GNAQ: variants seen among roughly 807,000 people sequenced by gnomAD.
GNAQ encodes G protein subunit alpha q, also known as guanine nucleotide-binding protein G(q) subunit alpha.
Under a neutral mutation model 43.9 loss-of-function variants are expected in GNAQ, and 8 were observed. That is an observed-to-expected ratio of 0.18 (90% CI 0.11 to 0.33). The LOEUF is 0.33. Among genes scored for constraint, GNAQ ranks in the 10% least tolerant of loss-of-function variants. The pLI is 1.00. For synonymous variants in GNAQ, 155 were observed against 170.7 expected, an observed-to-expected ratio of 0.91 and a Z score of 0.71; for missense variants, 158 against 450.8, an observed-to-expected ratio of 0.35 and a Z score of 5.88.
intron 2 of GNAQ, among the ~76,000 whole-genome samples, chr9:77,899,756 T>C (rs970200707): frequency 6.6e-6 from 1 of 152,118 alleles, no homozygotes; most frequent in Non-Finnish European, 1.5e-5. Flanking sequence ...CTCAGAGAAC[T>C]TGGGCAGAGA....
chr9:77,995,120 A>G (rs1327415774), intron 1 of GNAQ, among the ~76,000 whole-genome samples: 1 of 152,222 alleles, frequency 6.6e-6, no homozygotes, highest in Non-Finnish European at 1.5e-5. Context: ...CATGTGCCAA[A>G]TTCTAAGTAC....
intron 2 of GNAQ, among the ~76,000 whole-genome samples, chr9:77,827,087 A>C (rs1017031263): frequency 1.3e-5 from 2 of 152,194 alleles, no homozygotes; most frequent in African/African-American, 4.8e-5. Flanking sequence ...ACTGTTTTGC[A>C]ACTGGAAGCA....
chr9:77,724,549 T>A (rs934691165), intron 6 of GNAQ, among the ~76,000 whole-genome samples: 1 of 152,154 alleles, frequency 6.6e-6, no homozygotes, highest in African/African-American at 2.4e-5. Context: ...GATAAAGAGA[T>A]CTTGCAGAAC....
intron 1 of GNAQ, among the ~76,000 whole-genome samples, chr9:77,946,047 G>T (rs371312601): frequency 2.0e-5 from 3 of 152,118 alleles, no homozygotes; most frequent in Non-Finnish European, 4.4e-5. Flanking sequence ...ATCATTCCTG[G>T]AATAGTTCAC....
intron 5 of GNAQ, among the ~76,000 whole-genome samples, chr9:77,740,916 G>A (rs1245492670): frequency 6.6e-6 from 1 of 152,184 alleles, no homozygotes; most frequent in African/African-American, 2.4e-5. Flanking sequence ...CACACTGTCT[G>A]TCATAACTAG....
chr9:77,931,013 T>C (rs1328526695), intron 1 of GNAQ, among the ~76,000 whole-genome samples: 2 of 151,852 alleles, frequency 1.3e-5, no homozygotes, highest in African/African-American at 4.8e-5. Flanking sequence ...AAGAATTTAA[T>C]GCCTGATGAT....
At chr9:78,016,510 C>T (rs1390463243) in intron 1 of GNAQ, among the ~76,000 whole-genome samples, 1 of 151,950 alleles carries the variant, frequency 6.6e-6, no homozygotes, top group Non-Finnish European at 1.5e-5. Flanking sequence ...ACAGTGAAGC[C>T]CTGTCTCTAC....
intron 5 of GNAQ, among the ~76,000 whole-genome samples, chr9:77,736,848 G>C (rs1256871096): frequency 6.6e-6 from 1 of 152,154 alleles, no homozygotes; most frequent in Non-Finnish European, 1.5e-5. Flanking sequence ...AGGACTAACA[G>C]AGATGAACGG....
At chr9:77,855,865 T>G (rs1351869600) in intron 2 of GNAQ, among the ~76,000 whole-genome samples, 2 of 152,214 alleles carry the variant, frequency 1.3e-5, no homozygotes, top group East Asian at 3.8e-4. Context: ...TTTTATAATT[T>G]CATTGAAAAT....
At chr9:77,884,151 T>C (rs554869462) in intron 2 of GNAQ, among the ~76,000 whole-genome samples, 42 of 152,306 alleles carry the variant, frequency 2.8e-4, no homozygotes, top group Non-Finnish European at 4.7e-4. Flanking sequence ...CTAGCATTTC[T>C]ATAGCTTCAG....
intron 1 of GNAQ, among the ~76,000 whole-genome samples, chr9:78,012,011 T>C (rs898382048): frequency 4.6e-5 from 7 of 152,328 alleles, no homozygotes; most frequent in Admixed American, 6.5e-5. Flanking sequence ...CCTGGATACG[T>C]TGTTAAGCTT....
intron 2 of GNAQ, among the ~76,000 whole-genome samples, chr9:77,818,888 T>C (rs1827062600): frequency 6.6e-6 from 1 of 150,604 alleles, no homozygotes; most frequent in African/African-American, 2.4e-5. Flanking sequence ...TAGTCCCAGC[T>C]ACTTGGGAAG....
rs146255563 is a variant in GNAQ at position 77,865,492 on chromosome 9, T to C, written c.322-49722A>G. ...TATTTCAAAGCAACCCAATTAAACA[T>C]TGTAAATACCAAGGAGCAAAGTCCA... On this transcript the variant is annotated intron_variant, in intron 2 of 6. Transcript: ENST00000286548. 2.6e-5 allele frequency among the ~76,000 whole-genome samples: 4 copies of C among 152,288 alleles called. No homozygotes were observed. In the South Asian group the frequency reaches 6.2e-4, roughly 24 times the overall value.
At position 78,014,974 on chromosome 9, in the gene GNAQ, T is replaced by C. The variant is rs566130517; in HGVS notation, c.136+16126A>G. Among the ~76,000 whole-genome samples, 212 of 152,310 alleles carry C rather than the reference T, an allele frequency of 1.4e-3. 1 individual carries two copies. Among genetic ancestry groups the C allele is most frequent in the African/African-American group, 4.9e-3 (204 of 41,564 alleles). ...ATTAGTCACATGTTTGTGGTAATAC[T>C]TGTGTAACAAACCTACCAAGCTGCC... is the stretch of plus-strand genomic sequence containing the variant. On this transcript the variant is annotated intron_variant, in intron 1 of 6. Coordinates refer to ENST00000286548, the MANE Select transcript of GNAQ (RefSeq NM_002072.5).
chr9:77,782,321 T>C (rs979382456), intron 5 of GNAQ, among the ~76,000 whole-genome samples: 1 of 152,230 alleles, frequency 6.6e-6, no homozygotes, highest in African/African-American at 2.4e-5. Flanking sequence ...CAAAATTTTC[T>C]AATGTGCCAA....
chr9:77,921,915 G>T lies in GNAQ; in HGVS notation c.321+246C>A, dbSNP rs965102367. Among the ~76,000 whole-genome samples, 10 of 152,080 alleles carry T rather than the reference G, an allele frequency of 6.6e-5. 1 individual carries two copies. In the East Asian group the frequency reaches 1.9e-3, roughly 29 times the overall value. On this transcript the variant is annotated intron_variant, in intron 2 of 6. Transcript: ENST00000286548. Reference sequence around the variant, plus strand: ...TATTTATTGCTGAACATCCAAATATGCCTTTCATTGATATCACTAAAAATA... The same window carrying T: ...TATTTATTGCTGAACATCCAAATATTCCTTTCATTGATATCACTAAAAATA...
At chr9:77,875,875 G>A (rs996143574) in intron 2 of GNAQ, among the ~76,000 whole-genome samples, 1 of 152,174 alleles carries the variant, frequency 6.6e-6, no homozygotes, top group Non-Finnish European at 1.5e-5. Context: ...AAGTAGAGGG[G>A]AGAGTTTTGC....
chr9:77,944,638 C>T (rs1829361740), intron 1 of GNAQ, among the ~76,000 whole-genome samples: 1 of 152,206 alleles, frequency 6.6e-6, no homozygotes, highest in African/African-American at 2.4e-5. Flanking sequence ...TTGCTCCAAC[C>T]TCTGCCACTC....
At chr9:77,809,198 G>A (rs556220799) in intron 3 of GNAQ, among the ~76,000 whole-genome samples, 32 of 152,100 alleles carry the variant, frequency 2.1e-4, no homozygotes, top group Non-Finnish European at 3.4e-4. Flanking sequence ...TGTTCTTTAC[G>A]GGCTCCGGAT....
Sources: gnomAD v4.1 joint callset for allele counts (sites outside exome capture counted in the v4.1 genomes callset) on GRCh38, gnomAD v4.1.1 for gene constraint, MANE v1.5 for transcripts, NCBI Gene and HGNC (gene_info 2026-07-23, HGNC 2026-07-21) for gene names.